CELF4: variants seen among roughly 807,000 people sequenced by gnomAD.
The protein encoded by CELF4 is CUGBP Elav-like family member 4, also known as CUG-BP- and ETR-3-like factor 4.
CELF4 carries 18 observed loss-of-function variants against 59.9 expected under a neutral mutation model. That is an observed-to-expected ratio of 0.30 (90% CI 0.21 to 0.45). CELF4 has a LOEUF of 0.45. CELF4 is among the 20% of genes least tolerant of loss of function. The pLI is 1.00. For synonymous variants in CELF4, 261 were observed against 267.1 expected (o/e 0.98, Z 0.22); for missense variants, 456 against 689.0 (o/e 0.66, Z 3.79).
intron 1 of CELF4, among the ~76,000 whole-genome samples, chr18:37,548,498 G>A (rs1462373642): frequency 2.6e-5 from 4 of 152,158 alleles, no homozygotes; most frequent in Non-Finnish European, 5.9e-5. Context: ...CACGTAGTAG[G>A]TGCATTGCCA....
chr18:37,493,742 C>T (rs751893885), intron 1 of CELF4, among the ~76,000 whole-genome samples: 2 of 152,150 alleles, frequency 1.3e-5, no homozygotes, highest in South Asian at 2.1e-4. Flanking sequence ...AGCCTGCTCT[C>T]CTCTTTAGGG....
chr18:37,441,668 C>T (rs1346002664), intron 2 of CELF4, among the ~76,000 whole-genome samples: 1 of 152,066 alleles, frequency 6.6e-6, no homozygotes, highest in Non-Finnish European at 1.5e-5. Context: ...TGCAAGATCA[C>T]CCTCTTTTGG....
chr18:37,274,473 G>A lies in CELF4; in HGVS notation c.658-19C>T. Reference sequence around the variant, plus strand: ...AGGCTCCCTGCGGCCGGGGCGGCGCGTGAGACCCACCTGCTCCAGAGCCTC... The same window carrying A: ...AGGCTCCCTGCGGCCGGGGCGGCGCATGAGACCCACCTGCTCCAGAGCCTC... On this transcript the variant is annotated intron_variant, in intron 5 of 12. Transcript: ENST00000420428. The A allele has an allele frequency of 6.2e-7, 1 of 1,611,800 alleles. No homozygotes were observed. The highest frequency in any genetic ancestry group is 8.5e-7 in the Non-Finnish European group (1 of 1,179,454).
chr18:37,394,254 G>A (rs1033570065), intron 2 of CELF4, among the ~76,000 whole-genome samples: 3 of 152,218 alleles, frequency 2.0e-5, no homozygotes, highest in Admixed American at 6.5e-5. Flanking sequence ...CGGAGGGCGC[G>A]GGCAGCGCAG....
chr18:37,377,427 C>T (rs946938995), intron 2 of CELF4, among the ~76,000 whole-genome samples: 2 of 152,188 alleles, frequency 1.3e-5, no homozygotes, highest in African/African-American at 4.8e-5. Flanking sequence ...CCAGACAAAT[C>T]CAACCAGACC....
At chr18:37,278,479 A>G (rs543028084) in intron 3 of CELF4, among the ~76,000 whole-genome samples, 1 of 152,206 alleles carries the variant, frequency 6.6e-6, no homozygotes, top group South Asian at 2.1e-4. Flanking sequence ...TTGCGAGTGG[A>G]CTTCCTTGTG....
At chr18:37,321,986 C>T in intron 2 of CELF4, 105 bp from the exon 3 acceptor site, 1 of 762,538 alleles carries the variant, frequency 1.3e-6, no homozygotes, top group Non-Finnish European at 2.1e-6. Flanking sequence ...AGACTGCACC[C>T]ACAGACACGC....
At chr18:37,369,394 G>A (rs908326498) in intron 2 of CELF4, among the ~76,000 whole-genome samples, 1 of 152,112 alleles carries the variant, frequency 6.6e-6, no homozygotes, top group African/African-American at 2.4e-5. Context: ...TGGGTCTTTG[G>A]AGGAACCTAT....
At chr18:37,259,526 T>A (rs2072909566) in intron 10 of CELF4, among the ~76,000 whole-genome samples, 1 of 152,164 alleles carries the variant, frequency 6.6e-6, no homozygotes, top group Admixed American at 6.5e-5. Flanking sequence ...ATAAAATGGA[T>A]CTGTAGCAGA....
Position 37,254,010 on chromosome 18 carries a change from C to G in CELF4, c.1334-72G>C, listed in dbSNP as rs2154278026. 10 of 156,926 alleles carry G rather than the reference C, an allele frequency of 6.4e-5. No individual in the cohort carries two copies. The highest frequency in any genetic ancestry group is 8.9e-5 in the Non-Finnish European group (7 of 79,094). 9.7% of individuals were successfully genotyped at this position (156,926 alleles called of 1,614,324 possible). On this transcript the variant is annotated intron_variant, in intron 11 of 12. Coordinates refer to ENST00000420428, the MANE Select transcript of CELF4 (RefSeq NM_020180.4). The surrounding 1 kb of genome is among the most constrained non-coding windows in gnomAD (Gnocchi z 5.1). ...CGGGGCGCTGCCGGCGGGGAGGGGT[C>G]GGGGGACAGGGGGGCGGGGCGGGCC...
At chr18:37,349,796 T>C (rs2098401000) in intron 2 of CELF4, among the ~76,000 whole-genome samples, 1 of 152,052 alleles carries the variant, frequency 6.6e-6, no homozygotes, top group Non-Finnish European at 1.5e-5. Flanking sequence ...AGCACGAGGC[T>C]GAGAAGGGCA....
At chr18:37,387,154 C>T (rs2099108189) in intron 2 of CELF4, among the ~76,000 whole-genome samples, 1 of 152,254 alleles carries the variant, frequency 6.6e-6, no homozygotes, top group African/African-American at 2.4e-5. Flanking sequence ...AGATGGCCCC[C>T]AAGTTCCCCT....
Position 37,381,565 on chromosome 18 carries a change from A to G in CELF4, c.370-59684T>C, listed in dbSNP as rs2099041173. Among the ~76,000 whole-genome samples, 3 of 152,112 alleles carry G rather than the reference A, an allele frequency of 2.0e-5. No individual in the cohort carries two copies. The South Asian group carries it at 6.2e-4, about 32-fold the overall frequency. On this transcript the variant is annotated intron_variant, in intron 2 of 12. Transcript: ENST00000420428. ...ATTCCTTTAGAATGGGAGATAGAGG[A>G]GGCAAAACCCCCATTTGAATGGGGT...
rs1204950648 is a variant in CELF4, at chr18:37,547,256, G to A, written c.286+18100C>T. ...AATGTGTTCCCATGAGCCAACAGGA[G>A]CCCCCCCAGGCTGGAGCAGCCTTGG... On this transcript the variant is annotated intron_variant, in intron 1 of 12. Coordinates refer to ENST00000420428, the MANE Select transcript of CELF4 (RefSeq NM_020180.4). 4.0e-5 allele frequency among the ~76,000 whole-genome samples: 6 copies of A among 151,832 alleles called. No individual in the cohort carries two copies. In the East Asian group the frequency reaches 1.2e-3, roughly 29 times the overall value.
chr18:37,481,060 C>T (rs745361139), intron 2 of CELF4, among the ~76,000 whole-genome samples: 1 of 152,102 alleles, frequency 6.6e-6, no homozygotes, highest in South Asian at 2.1e-4. Flanking sequence ...CATCCTGAGT[C>T]GCGGTGACCT....
intron 12 of CELF4, among the ~76,000 whole-genome samples, chr18:37,248,291 A>C (rs1804575079): frequency 2.0e-5 from 3 of 152,302 alleles, no homozygotes; most frequent in Non-Finnish European, 4.4e-5. Flanking sequence ...TTCATCTTGC[A>C]TTTGCCTTAC....
intron 3 of CELF4, among the ~76,000 whole-genome samples, chr18:37,320,995 T>G (rs1288997968): frequency 6.6e-6 from 1 of 152,104 alleles, no homozygotes; most frequent in Non-Finnish European, 1.5e-5. Context: ...TCATTTTCTT[T>G]TAATGTCAGA....
At chr18:37,517,955 T>G (rs1255955302) in intron 1 of CELF4, among the ~76,000 whole-genome samples, 1 of 152,132 alleles carries the variant, frequency 6.6e-6, no homozygotes, top group Non-Finnish European at 1.5e-5. Context: ...CACCTATAAC[T>G]GGGGGTAAGT....
chr18:37,327,497 C>T lies in CELF4; in HGVS notation c.370-5616G>A, dbSNP rs1309796137. Among the ~76,000 whole-genome samples the T allele has an allele frequency of 2.6e-5, 4 of 152,210 alleles. No homozygotes were observed. In the East Asian group the frequency reaches 7.7e-4, roughly 29 times the overall value. On this transcript the variant is annotated intron_variant, in intron 2 of 12. Transcript: ENST00000420428. ...CAGCCTGTGTGTGGGGTGTGGAGCC[C>T]AACTGCATTCTGCCACCAAAGGAGG... is the stretch of plus-strand genomic sequence containing the variant.
Sources: allele counts gnomAD v4.1 joint callset (sites outside exome capture counted in the v4.1 genomes callset), GRCh38; gene constraint gnomAD v4.1.1; non-coding constraint Gnocchi (gnomAD v3.1); transcripts MANE v1.5; gene names NCBI Gene and HGNC (gene_info 2026-07-23, HGNC 2026-07-21).